The following ANKRD26 variants were observed in gnomAD, a reference collection of about 807,000 sequenced individuals.
ANKRD26 encodes the protein ankyrin repeat domain 26, also known as ankyrin repeat domain-containing protein 26.
In ANKRD26, 141 loss-of-function variants were observed where a neutral mutation model predicts 208.7. That is an observed-to-expected ratio of 0.68 (90% CI 0.59 to 0.78). The LOEUF (loss-of-function observed/expected upper bound fraction) is 0.78. Ranked by LOEUF, ANKRD26 falls within the 30% of genes least tolerant of loss-of-function variation. ANKRD26 has a pLI of 0.00. For missense variants in ANKRD26, 1,889 were observed against 1,938.7 expected (o/e 0.97, Z 0.48); for synonymous variants, 636 against 660.4 (o/e 0.96, Z 0.57).
At chr10:26,965,876 A>C in the ANKRD26 span, among the ~76,000 whole-genome samples, 1 of 151,684 alleles carries the variant, frequency 6.6e-6, no homozygotes, top group South Asian at 2.1e-4. Context: ...GAAACATATG[A>C]AAAAAAAACT....
rs548846121 is a variant in ANKRD26, at chr10:27,005,184, T to C, written c.*406A>G. 5.0e-5 allele frequency: 49 copies of C among 989,772 alleles called. No individual in the cohort carries two copies. The African/African-American group carries it at 5.7e-4, about 12-fold the overall frequency. 61.3% of individuals were successfully genotyped at this position (989,772 alleles called of 1,614,324 possible). ...TGTAAATTTGATGGCACTGTAACAA[T>C]TGTAATACATCCAAACATGAACAAT... On this transcript the variant is annotated 3_prime_UTR_variant, in exon 34 of 34. Coordinates refer to ENST00000376087, the MANE Select transcript of ANKRD26 (RefSeq NM_014915.3).
At chr10:27,068,750 G>A (rs113600461) in intron 9 of ANKRD26, among the ~76,000 whole-genome samples, 1,743 of 151,938 alleles carry the variant, frequency 0.011, 38 homozygotes, top group African/African-American at 0.04. Context: ...TGGCAGCAAT[G>A]TAAACATAGA....
chr10:27,032,892 A>G (rs749233422), intron 25 of ANKRD26, among the ~76,000 whole-genome samples: 1 of 151,358 alleles, frequency 6.6e-6, no homozygotes, highest in East Asian at 2.0e-4. Context: ...TAACACGGTG[A>G]AACCTCGTCT....
At chr10:27,032,632 T>A (rs1229462262) in intron 25 of ANKRD26, among the ~76,000 whole-genome samples, 1 of 140,954 alleles carries the variant, frequency 7.1e-6, no homozygotes, top group East Asian at 2.4e-4. Context: ...CGAGACTCTG[T>A]CTCAAAAAAA....
chr10:27,014,775 C>T (rs536121096), intron 30 of ANKRD26, 64 bp from the exon 31 acceptor site: 11 of 1,360,712 alleles, frequency 8.1e-6, no homozygotes, highest in Admixed American at 3.9e-5. Flanking sequence ...TGGTCACCTA[C>T]TCGGTGTCTA....
At chr10:26,963,868 A>G in the ANKRD26 span, among the ~76,000 whole-genome samples, 1 of 38,518 alleles carries the variant, frequency 2.6e-5, no homozygotes, top group Admixed American at 2.3e-4. Flanking sequence ...TGTTATTTTT[A>G]TTGGTTTTTG....
chr10:27,033,774 C>T (rs916104498), intron 24 of ANKRD26, among the ~76,000 whole-genome samples: 4 of 152,184 alleles, frequency 2.6e-5, no homozygotes, highest in East Asian at 3.9e-4. Flanking sequence ...CAGAGCTCCT[C>T]AGATACTTAA....
At chr10:27,032,455 C>T (rs1318923270) in intron 25 of ANKRD26, among the ~76,000 whole-genome samples, 1 of 152,016 alleles carries the variant, frequency 6.6e-6, no homozygotes, top group Non-Finnish European at 1.5e-5. Context: ...GCCAACATGG[C>T]AAAACCCTAT....
intron 28 of ANKRD26, among the ~76,000 whole-genome samples, chr10:27,023,740 G>A (rs1342949010): frequency 6.6e-6 from 1 of 152,058 alleles, no homozygotes; most frequent in Non-Finnish European, 1.5e-5. Flanking sequence ...TAAGTACTCA[G>A]CAAATAAACA....
exon 4 of ANKRD26, among the ~76,000 whole-genome samples, chr10:26,982,772 T>A (rs574566082): frequency 6.6e-6 from 1 of 152,298 alleles, no homozygotes; most frequent in South Asian, 2.1e-4. Flanking sequence ...GACTTCTCAG[T>A]TGCACATTGT....
At chr10:27,065,990 C>T (rs1037843184) in intron 11 of ANKRD26, among the ~76,000 whole-genome samples, 36 of 150,776 alleles carry the variant, frequency 2.4e-4, no homozygotes, top group Non-Finnish European at 3.4e-4. Context: ...CTCAGCCTCC[C>T]GAGTAGTGAC....
intron 3 of ANKRD26, among the ~76,000 whole-genome samples, chr10:26,986,546 T>C (rs540166144): frequency 6.6e-6 from 1 of 152,286 alleles, no homozygotes; most frequent in South Asian, 2.1e-4. Flanking sequence ...AAAGGGCTAA[T>C]ATCCAGAATC....
intron 3 of ANKRD26, among the ~76,000 whole-genome samples, chr10:26,986,664 A>C (rs1210591637): frequency 6.6e-6 from 1 of 152,204 alleles, no homozygotes; most frequent in Admixed American, 6.5e-5. Flanking sequence ...ATGCAGCCAA[A>C]AGACACATGA....
At chr10:27,099,250 T>C (rs1289624132) in intron 1 of ANKRD26, among the ~76,000 whole-genome samples, 1 of 151,642 alleles carries the variant, frequency 6.6e-6, no homozygotes, top group Non-Finnish European at 1.5e-5. Flanking sequence ...CTTGGTCTCC[T>C]AAAATGCTGG....
chr10:27,000,391 T>TC (rs2052695737), downstream of ANKRD26, among the ~76,000 whole-genome samples: 1 of 152,190 alleles, frequency 6.6e-6, no homozygotes, highest in South Asian at 2.1e-4. Context: ...GCCTACTGTT[T>TC]CCCCTTTTAT....
chr10:27,063,396 C>G (rs918670015), intron 12 of ANKRD26, among the ~76,000 whole-genome samples: 3 of 152,116 alleles, frequency 2.0e-5, no homozygotes, highest in African/African-American at 7.2e-5. Context: ...TCTCAGCTCA[C>G]TGCCACCTCC....
intron 4 of ANKRD26, 86 bp from the exon 5 acceptor site, chr10:27,086,695 C>A: frequency 6.9e-7 from 1 of 1,440,338 alleles, no homozygotes; most frequent in Non-Finnish European, 9.4e-7. Flanking sequence ...AGTATTTCAG[C>A]CATTATCAGA....
In ANKRD26 at chr10:27,040,292, A is replaced by C. The variant is rs559330676; in HGVS notation, c.2162-114T>G. The stretch of plus-strand genomic sequence containing the variant: ...GACCAATTACATATTGAGGGCCTAC[A>C]ATGTGGAAGACATTAAACTAAGCTC... On this transcript the variant is annotated intron_variant, in intron 20 of 33. Coordinates refer to ENST00000376087, the MANE Select transcript of ANKRD26 (RefSeq NM_014915.3). 27 of 761,156 alleles carry C rather than the reference A, an allele frequency of 3.5e-5. No individual in the cohort carries two copies. In the South Asian group the frequency reaches 4.3e-4, roughly 12 times the overall value. The allele number at this position is 761,156 out of a possible 1,614,324, so 47.2% of individuals were successfully genotyped here.
At chr10:27,099,020 TG>T (rs568395525) in intron 1 of ANKRD26, among the ~76,000 whole-genome samples, 140 of 152,284 alleles carry the variant, frequency 9.2e-4, no homozygotes, top group Middle Eastern at 3.4e-3. Context: ...GACAGAGTTT[TG>T]CTCTTGTTGC....
Sources: gnomAD v4.1 joint callset for allele counts (sites outside exome capture counted in the v4.1 genomes callset) on GRCh38, gnomAD v4.1.1 for gene constraint, MANE v1.5 for transcripts, NCBI Gene and HGNC (gene_info 2026-07-23, HGNC 2026-07-21) for gene names.